The following PKHD1 variants were observed in gnomAD, a reference collection of about 807,000 sequenced individuals.
PKHD1 encodes the protein PKHD1 ciliary IPT domain containing fibrocystin/polyductin.
A neutral mutation model predicts 412.0 loss-of-function variants in PKHD1; 291 were observed. That is an observed-to-expected ratio of 0.71 (90% CI 0.64 to 0.78). PKHD1 has a LOEUF of 0.78. PKHD1 is among the 30% of genes least tolerant of loss of function. The probability of loss-of-function intolerance (pLI) is 0.00; values close to 1 mark genes in which losing one functional copy is unlikely to be tolerated. For missense variants in PKHD1, 4,825 were observed against 4,950.7 expected (o/e 0.97, Z 0.76); for synonymous variants, 1,777 against 1,821.5 (o/e 0.98, Z 0.62).
intron 55 of PKHD1, among the ~76,000 whole-genome samples, chr6:51,760,861 A>G: frequency 6.6e-6 from 1 of 152,120 alleles, no homozygotes; most frequent in Non-Finnish European, 1.5e-5. Context: ...TTCCTTGTAA[A>G]TAACAGAGTA....
At chr6:52,071,569 C>A (rs955932178) in intron 8 of PKHD1, among the ~76,000 whole-genome samples, 2 of 151,976 alleles carry the variant, frequency 1.3e-5, no homozygotes, top group Admixed American at 1.3e-4. Flanking sequence ...TCCAGCAAAA[C>A]ATTGGGTATT....
intron 52 of PKHD1, among the ~76,000 whole-genome samples, chr6:51,827,767 T>C (rs1211075469): frequency 3.3e-5 from 5 of 152,106 alleles, no homozygotes. Context: ...TGACTTTGGG[T>C]TCCCAGATCA....
At chr6:52,039,420 G>A (rs1047089260) in intron 27 of PKHD1, among the ~76,000 whole-genome samples, 24 of 152,116 alleles carry the variant, frequency 1.6e-4, no homozygotes, top group African/African-American at 5.1e-4. Context: ...AGTGCATAGC[G>A]TACCCCTCTT....
At position 51,617,606 on chromosome 6, in the gene PKHD1, C is replaced by G. The variant is rs532123295; in HGVS notation, c.*1475G>C. 6.6e-6 allele frequency: 1 copy of G among 152,284 alleles called. No homozygotes were observed. The highest frequency in any genetic ancestry group is 2.4e-5 in the African/African-American group (1 of 41,536). 9.4% of individuals were successfully genotyped at this position (152,284 alleles called of 1,614,324 possible). ...TCTTCCAAATCCAACACAGTGACCACAGAGAAGGCTACCTACCTCCTTTTA... is the reference window on the plus strand; with the variant it reads ...TCTTCCAAATCCAACACAGTGACCAGAGAGAAGGCTACCTACCTCCTTTTA... On this transcript the variant is annotated 3_prime_UTR_variant, in exon 67 of 67. Coordinates refer to ENST00000371117, the MANE Select transcript of PKHD1 (RefSeq NM_138694.4).
At chr6:52,019,459 G>A (rs528802552) in intron 33 of PKHD1, among the ~76,000 whole-genome samples, 1 of 152,332 alleles carries the variant, frequency 6.6e-6, no homozygotes, top group African/African-American at 2.4e-5. Flanking sequence ...ACTCTTGTAT[G>A]AACAGACAAA....
rs575001050 is a variant in PKHD1 at position 51,692,676 on chromosome 6, C to A, written c.10157-32707G>T. ...AATTCTTCCCATCAACTGACAGATG[C>A]ATAAGTTTTCTATATAATAAACATC... On this transcript the variant is annotated intron_variant, in intron 60 of 66. Coordinates refer to ENST00000371117, the MANE Select transcript of PKHD1 (RefSeq NM_138694.4). Among the ~76,000 whole-genome samples the A allele has an allele frequency of 4.6e-5, 7 of 152,246 alleles. No homozygotes were observed. In the East Asian group the frequency reaches 1.4e-3, roughly 29 times the overall value.
At chr6:52,030,193 G>A (rs1299141267) in intron 29 of PKHD1, among the ~76,000 whole-genome samples, 1 of 152,174 alleles carries the variant, frequency 6.6e-6, no homozygotes, top group African/African-American at 2.4e-5. Context: ...TCAAAGAAGA[G>A]GGATGTGGTG....
At chr6:51,745,825 T>C (rs895525014) in intron 59 of PKHD1, among the ~76,000 whole-genome samples, 1 of 152,110 alleles carries the variant, frequency 6.6e-6, no homozygotes, top group South Asian at 2.1e-4. Context: ...GGATAAGACA[T>C]GAACATAAGG....
intron 57 of PKHD1, among the ~76,000 whole-genome samples, chr6:51,750,191 G>A (rs1315230742): frequency 3.3e-5 from 5 of 152,080 alleles, no homozygotes; most frequent in African/African-American, 4.8e-5. Context: ...ACAGGATTCC[G>A]AAGTATCTAA....
intron 62 of PKHD1, 40 bp downstream of exon 62, chr6:51,649,045 C>G (rs1021048303): frequency 1.3e-6 from 2 of 1,593,194 alleles, no homozygotes; most frequent in Non-Finnish European, 1.7e-6. Flanking sequence ...CTACATGCTA[C>G]TTAGCTCTAA....
At chr6:51,918,546 A>G (rs1561875987) in intron 37 of PKHD1, among the ~76,000 whole-genome samples, 1 of 152,216 alleles carries the variant, frequency 6.6e-6, no homozygotes, top group Non-Finnish European at 1.5e-5. Context: ...ATGGCTGCAT[A>G]GTATTCCACA....
intron 63 of PKHD1, among the ~76,000 whole-genome samples, chr6:51,641,437 T>A (rs115978565): frequency 0.061 from 9,347 of 152,248 alleles, 387 homozygotes; most frequent in South Asian, 0.11. Context: ...CCTTTTACAC[T>A]GTTGGTGGGA....
At chr6:51,832,695 G>A (rs944005984) in intron 51 of PKHD1, among the ~76,000 whole-genome samples, 3 of 152,110 alleles carry the variant, frequency 2.0e-5, no homozygotes, top group Admixed American at 6.6e-5. Context: ...AGCTGTATTT[G>A]AAACTCTGAG....
At chr6:51,936,347 A>G (rs531894465) in intron 36 of PKHD1, among the ~76,000 whole-genome samples, 45 of 152,366 alleles carry the variant, frequency 3.0e-4, no homozygotes, top group African/African-American at 1.1e-3. Context: ...TAGAGATAGC[A>G]AAGTATCAGA....
intron 36 of PKHD1, among the ~76,000 whole-genome samples, chr6:51,950,835 C>T (rs1248143362): frequency 1.3e-5 from 2 of 151,960 alleles, no homozygotes; most frequent in South Asian, 2.1e-4. Context: ...TGCTAGGTAC[C>T]GAAATAAAAA....
Position 51,976,528 on chromosome 6 carries a change from T to C in PKHD1, c.5752-16502A>G, listed in dbSNP as rs112679937. Among the ~76,000 whole-genome samples the C allele has an allele frequency of 6.7e-4, 102 of 152,300 alleles. 1 individual carries two copies. Among genetic ancestry groups the C allele is most frequent in the African/African-American group, 2.3e-3 (96 of 41,558 alleles). On this transcript the variant is annotated intron_variant, in intron 35 of 66. Coordinates refer to ENST00000371117, the MANE Select transcript of PKHD1 (RefSeq NM_138694.4). The stretch of plus-strand genomic sequence containing the variant: ...GAGTCATTGTTTAACAGATTCCAGT[T>C]TGGGAAGACGAAAACATCCTTGAGA...
At chr6:52,073,751 AT>A (rs984255473) in intron 6 of PKHD1, among the ~76,000 whole-genome samples, 7 of 152,200 alleles carry the variant, frequency 4.6e-5, no homozygotes, top group African/African-American at 1.7e-4. Context: ...AAAATAAGCA[AT>A]TGTTTCAATC....
At chr6:51,812,386 C>A (rs1365321801) in intron 52 of PKHD1, among the ~76,000 whole-genome samples, 1 of 152,158 alleles carries the variant, frequency 6.6e-6, no homozygotes, top group Non-Finnish European at 1.5e-5. Context: ...CTCCTCTCAG[C>A]CAAGGGGATT....
In PKHD1 at chr6:52,024,711, G is replaced by C; in HGVS notation, c.5099C>G (p.Thr1700Ser). Residue 1700 changes from threonine (T) to serine (S), a missense_variant, in exon 32 of 67, where the codon ACC becomes AGC. By Grantham distance (58) the Thr-to-Ser change is moderately conservative. Transcript: ENST00000371117. ...SPCVGVSGNH[T>S]VLQCVVPSLP... is the part of the protein sequence containing the mutation. Reference sequence around the variant, plus strand: ...GGAAGGGACCACGCACTGAAGAACGGTGTGGTTACCAGAGACACCCACACA... The same window carrying C: ...GGAAGGGACCACGCACTGAAGAACGCTGTGGTTACCAGAGACACCCACACA... The C allele has an allele frequency of 1.9e-6, 3 of 1,614,204 alleles. No homozygotes were observed. Among genetic ancestry groups the C allele is most frequent in the East Asian group, 2.2e-5 (1 of 44,880 alleles).
Sources: allele counts gnomAD v4.1 joint callset (sites outside exome capture counted in the v4.1 genomes callset), GRCh38; gene constraint gnomAD v4.1.1; transcripts MANE v1.5; gene names NCBI Gene and HGNC (gene_info 2026-07-23, HGNC 2026-07-21).